Variants in ARID5B observed in about 807,000 individuals in gnomAD.
The protein encoded by ARID5B is AT-rich interactive domain-containing protein 5B.
In ARID5B, 13 loss-of-function variants were observed where a neutral mutation model predicts 97.2. The observed-to-expected ratio is 0.13, with a 90% confidence interval of 0.09 to 0.21. ARID5B has a LOEUF of 0.21. Among genes scored for constraint, ARID5B ranks in the 10% least tolerant of loss-of-function variants. The pLI, the probability that ARID5B is intolerant of heterozygous loss-of-function variation, is 1.00. For synonymous variants in ARID5B, 556 were observed against 570.3 expected, an observed-to-expected ratio of 0.97 and a Z score of 0.36; for missense variants, 1,210 against 1,465.3, an observed-to-expected ratio of 0.83 and a Z score of 2.84.
At chr10:62,022,054 C>T (rs1442417368) in intron 4 of ARID5B, among the ~76,000 whole-genome samples, 1 of 152,196 alleles carries the variant, frequency 6.6e-6, no homozygotes, top group African/African-American at 2.4e-5. Flanking sequence ...TAAGCCCTGG[C>T]ACTGTCCCCC....
intron 7 of ARID5B, among the ~76,000 whole-genome samples, chr10:62,063,063 G>A (rs1405241057): frequency 6.6e-6 from 1 of 152,166 alleles, no homozygotes; most frequent in Non-Finnish European, 1.5e-5. Context: ...TTGGGGAAAG[G>A]ATCTGATAAC....
At chr10:61,922,152 A>G (rs907433412) in intron 2 of ARID5B, among the ~76,000 whole-genome samples, 2 of 152,234 alleles carry the variant, frequency 1.3e-5, no homozygotes, top group African/African-American at 4.8e-5. Flanking sequence ...TCAACAAGCC[A>G]TATCGGGTCT....
At chr10:61,919,339 C>T (rs76438253) in intron 2 of ARID5B, among the ~76,000 whole-genome samples, 2 of 152,250 alleles carry the variant, frequency 1.3e-5, no homozygotes, top group East Asian at 1.9e-4. Context: ...TGAAAATTTG[C>T]TTCATCCCTT....
intron 8 of ARID5B, among the ~76,000 whole-genome samples, chr10:62,082,099 C>T (rs2132972192): frequency 6.6e-6 from 1 of 152,200 alleles, no homozygotes; most frequent in South Asian, 2.1e-4. Flanking sequence ...GGCCCCCCTA[C>T]TGTTTCTGCT....
chr10:62,028,845 C>T (rs1030920090), intron 4 of ARID5B, among the ~76,000 whole-genome samples: 6 of 151,820 alleles, frequency 4.0e-5, no homozygotes, highest in African/African-American at 7.3e-5. Context: ...CCTGTAATCC[C>T]AGCTACTTGG....
intron 3 of ARID5B, among the ~76,000 whole-genome samples, chr10:61,964,793 G>A (rs1201936069): frequency 6.6e-6 from 1 of 152,188 alleles, no homozygotes; most frequent in African/African-American, 2.4e-5. Flanking sequence ...TGTCTACTTA[G>A]TAAAAGATTT....
chr10:61,921,671 A>G (rs1017216046), intron 2 of ARID5B, among the ~76,000 whole-genome samples: 1 of 152,188 alleles, frequency 6.6e-6, no homozygotes, highest in African/African-American at 2.4e-5. Context: ...ACCCAAGAGC[A>G]GGAGATTATT....
chr10:62,071,998 G>A (rs1019745447), intron 8 of ARID5B, among the ~76,000 whole-genome samples: 3 of 152,178 alleles, frequency 2.0e-5, no homozygotes, highest in African/African-American at 7.2e-5. Context: ...CTTAAACAGG[G>A]GTTGGTGTGA....
intron 3 of ARID5B, among the ~76,000 whole-genome samples, chr10:61,952,411 T>C (rs2132812556): frequency 6.6e-6 from 1 of 152,364 alleles, no homozygotes; most frequent in South Asian, 2.1e-4. Flanking sequence ...ATCACCTTAC[T>C]CTATACCTAC....
At chr10:61,997,794 G>A (rs1291958055) in intron 3 of ARID5B, among the ~76,000 whole-genome samples, 1 of 152,056 alleles carries the variant, frequency 6.6e-6, no homozygotes, top group East Asian at 1.9e-4. Context: ...GCTGCTTCTT[G>A]AAATAGCACT....
intron 8 of ARID5B, among the ~76,000 whole-genome samples, chr10:62,075,697 G>A (rs913672338): frequency 6.6e-6 from 1 of 152,172 alleles, no homozygotes; most frequent in African/African-American, 2.4e-5. Flanking sequence ...TCACCAGCTC[G>A]GCTTGCTCTC....
chr10:61,981,401 C>T (rs997906221), intron 3 of ARID5B, among the ~76,000 whole-genome samples: 1 of 152,118 alleles, frequency 6.6e-6, no homozygotes, highest in Non-Finnish European at 1.5e-5. Flanking sequence ...CCTGCCTCAC[C>T]CTCCCAAGTA....
At chr10:61,989,548 G>A (rs1838893750) in intron 3 of ARID5B, among the ~76,000 whole-genome samples, 1 of 152,146 alleles carries the variant, frequency 6.6e-6, no homozygotes, top group Non-Finnish European at 1.5e-5. Flanking sequence ...ATAATTAGAA[G>A]ACATATTACA....
At chr10:61,904,485 G>C (rs1216345988) in intron 2 of ARID5B, among the ~76,000 whole-genome samples, 1 of 152,118 alleles carries the variant, frequency 6.6e-6, no homozygotes. Context: ...GTTCATTATG[G>C]GGAATTGAAA....
chr10:62,000,041 T>G lies in ARID5B; in HGVS notation c.503-50T>G. On this transcript the variant is annotated intron_variant, in intron 3 of 9. Coordinates refer to ENST00000279873, the MANE Select transcript of ARID5B (RefSeq NM_032199.3). This position sits in a 1 kb window ranked among gnomAD's most constrained non-coding sequence, Gnocchi z 4.4. The stretch of plus-strand genomic sequence containing the variant: ...TGAAATTATACCATGGCCATGAAAG[T>G]TCTTTGTCAGAGGGAAGAGGGTAAT... The G allele has an allele frequency of 6.4e-7, 1 of 1,561,588 alleles. No homozygotes were observed. The highest frequency in any genetic ancestry group is 8.8e-7 in the Non-Finnish European group (1 of 1,133,528).
intron 2 of ARID5B, among the ~76,000 whole-genome samples, chr10:61,903,849 T>C (rs765530761): frequency 1.4e-4 from 21 of 152,070 alleles, no homozygotes; most frequent in Non-Finnish European, 3.1e-4. Flanking sequence ...CCCTCGAATC[T>C]GCCTTTTCGG....
At chr10:62,068,208 C>CCATTT (rs1443728391) in intron 7 of ARID5B, among the ~76,000 whole-genome samples, 1 of 152,106 alleles carries the variant, frequency 6.6e-6, no homozygotes, top group Non-Finnish European at 1.5e-5. Context: ...GGCGTTGAAA[C>CCATTT]CATTTCTTGT....
chr10:62,016,547 C>T (rs1351876239), intron 4 of ARID5B, among the ~76,000 whole-genome samples: 2 of 152,152 alleles, frequency 1.3e-5, no homozygotes, highest in Non-Finnish European at 2.9e-5. Flanking sequence ...GATTGAGAGG[C>T]ATTAAAATAA....
intron 2 of ARID5B, among the ~76,000 whole-genome samples, chr10:61,925,637 G>A (rs185515639): frequency 6.6e-6 from 1 of 152,188 alleles, no homozygotes; most frequent in African/African-American, 2.4e-5. Context: ...TTTATTTTAG[G>A]GAGGAAAAAG....
Sources: allele counts gnomAD v4.1 joint callset (sites outside exome capture counted in the v4.1 genomes callset), GRCh38; gene constraint gnomAD v4.1.1; non-coding constraint Gnocchi (gnomAD v3.1); transcripts MANE v1.5; gene names NCBI Gene and HGNC (gene_info 2026-07-23, HGNC 2026-07-21).